The following HDAC8 variants were observed in gnomAD, a reference collection of about 807,000 sequenced individuals.
The protein encoded by HDAC8 is histone deacetylase 8, also known as histone deacetylase-like 1.
In HDAC8, 1 loss-of-function variant was observed where a neutral mutation model predicts 32.2. That is an observed-to-expected ratio of 0.03 (90% CI 0.01 to 0.15). HDAC8 has a LOEUF of 0.15. Among genes scored for constraint, HDAC8 ranks in the 10% least tolerant of loss-of-function variants. The pLI, the probability that HDAC8 is intolerant of heterozygous loss-of-function variation, is 1.00. For missense variants in HDAC8, 117 were observed against 300.0 expected, an observed-to-expected ratio of 0.39 and a Z score of 4.51; for synonymous variants, 108 against 113.9, an observed-to-expected ratio of 0.95 and a Z score of 0.33.
chrX:72,541,657 T>C (rs1262235386), intron 4 of HDAC8, among the ~76,000 whole-genome samples: 1 of 112,131 alleles, frequency 8.9e-6, no homozygotes, highest in African/African-American at 3.2e-5. Context: ...ACTAGAGTTA[T>C]AGTGCTAGAG....
chrX:72,439,807 C>A (rs1369636750), intron 9 of HDAC8, among the ~76,000 whole-genome samples: 2 of 111,226 alleles, frequency 1.8e-5, no homozygotes, highest in Non-Finnish European at 3.8e-5. Context: ...AATACAGGAG[C>A]ACCCAGATTC....
At chrX:72,447,110 A>G (rs1432980609) in intron 9 of HDAC8, among the ~76,000 whole-genome samples, 1 of 112,409 alleles carries the variant, frequency 8.9e-6, no homozygotes, top group Admixed American at 9.4e-5. Context: ...TCATCCTGAT[A>G]CCAAAACCTG....
intron 9 of HDAC8, among the ~76,000 whole-genome samples, chrX:72,370,413 T>C (rs1420887811): frequency 3.6e-5 from 4 of 111,967 alleles, no homozygotes; most frequent in African/African-American, 1.3e-4. Flanking sequence ...CAGGCTGGAA[T>C]GCAGTGGCAC....
intron 9 of HDAC8, among the ~76,000 whole-genome samples, chrX:72,432,404 C>T (rs1034109626): frequency 2.7e-5 from 3 of 111,007 alleles, no homozygotes; most frequent in Non-Finnish European, 5.7e-5. Context: ...GGTCTGGTCC[C>T]GGCCCATTCC....
At chrX:72,412,161 T>C (rs1478684464) in intron 9 of HDAC8, among the ~76,000 whole-genome samples, 1 of 111,899 alleles carries the variant, frequency 8.9e-6, no homozygotes, top group Non-Finnish European at 1.9e-5. Flanking sequence ...GTTTCTTCTG[T>C]TCTTAAATAC....
intron 4 of HDAC8, among the ~76,000 whole-genome samples, chrX:72,564,031 G>A (rs907225288): frequency 2.7e-5 from 3 of 110,961 alleles, no homozygotes; most frequent in Non-Finnish European, 5.7e-5. Flanking sequence ...ATGGTGGCAC[G>A]CGCCTGTAAT....
chrX:72,398,492 A>AT (rs1244311407), intron 9 of HDAC8, among the ~76,000 whole-genome samples: 7 of 104,463 alleles, frequency 6.7e-5, no homozygotes, highest in Admixed American at 6.1e-4. Context: ...TGTCCTGATA[A>AT]TTTTTTTTTT....
chrX:72,469,410 G>A (rs2048107704), intron 7 of HDAC8, among the ~76,000 whole-genome samples: 2 of 112,108 alleles, frequency 1.8e-5, no homozygotes, highest in African/African-American at 3.2e-5. Context: ...CTCCCACCTT[G>A]GCCTCCCAAA....
chrX:72,503,819 T>C (rs1317860389), intron 4 of HDAC8, among the ~76,000 whole-genome samples: 2 of 111,988 alleles, frequency 1.8e-5, no homozygotes, highest in Non-Finnish European at 3.8e-5. Context: ...AGGCTGACTT[T>C]ATGGAGCCAA....
chrX:72,382,997 G>A (rs983460390), intron 9 of HDAC8, among the ~76,000 whole-genome samples: 5 of 111,901 alleles, frequency 4.5e-5, no homozygotes, highest in Non-Finnish European at 9.4e-5. Flanking sequence ...TTGCTATTTC[G>A]TATTCTACTT....
chrX:72,367,778 C>T (rs1247261908), intron 9 of HDAC8, among the ~76,000 whole-genome samples: 1 of 112,591 alleles, frequency 8.9e-6, no homozygotes, highest in Non-Finnish European at 1.9e-5. Flanking sequence ...GCGGCAAATG[C>T]CTAGCCCATG....
intron 7 of HDAC8, among the ~76,000 whole-genome samples, chrX:72,477,593 T>G (rs1334433882): frequency 1.8e-5 from 2 of 112,368 alleles, no homozygotes; most frequent in Non-Finnish European, 3.8e-5. Flanking sequence ...CTTTCCCAGA[T>G]GATTGGAAAT....
Position 72,466,908 on chromosome X carries a change from T to A in HDAC8, c.738-2177A>T, listed in dbSNP as rs142450833. 6.3e-5 allele frequency: 7 copies of A among 111,687 alleles called. No homozygotes were observed. In the East Asian group the frequency reaches 1.9e-3, roughly 31 times the overall value. 9.2% of individuals were successfully genotyped at this position (111,687 alleles called of 1,213,427 possible). A position where few individuals can be genotyped will look rare whatever the true frequency, so the allele number is the denominator to read the frequency against. Reference sequence around the variant, plus strand: ...TAAAAAGGAGCAAACTATTGATACATGCAAAAAATCTGGGTGGCTCTCAAG... The same window carrying A: ...TAAAAAGGAGCAAACTATTGATACAAGCAAAAAATCTGGGTGGCTCTCAAG... On this transcript the variant is annotated intron_variant, in intron 7 of 10. Coordinates refer to ENST00000373573, the MANE Select transcript of HDAC8 (RefSeq NM_018486.3).
At chrX:72,422,862 T>G (rs2046531545) in intron 9 of HDAC8, among the ~76,000 whole-genome samples, 1 of 111,130 alleles carries the variant, frequency 9.0e-6, no homozygotes, top group Admixed American at 9.5e-5. Flanking sequence ...ACACAATAAT[T>G]TTTGAATAAG....
At chrX:72,366,126 T>C (rs782730393) in intron 9 of HDAC8, among the ~76,000 whole-genome samples, 1 of 112,314 alleles carries the variant, frequency 8.9e-6, no homozygotes, top group East Asian at 2.8e-4. Context: ...AGCAAAATCC[T>C]AGTCAGCCTC....
intron 9 of HDAC8, among the ~76,000 whole-genome samples, chrX:72,453,950 A>G (rs2047656145): frequency 8.9e-6 from 1 of 112,232 alleles, no homozygotes; most frequent in Admixed American, 9.4e-5. Flanking sequence ...TAGTGAAAAT[A>G]TCTTTCCAGA....
chrX:72,463,616 ATTTC>A (rs2047928406), intron 8 of HDAC8, among the ~76,000 whole-genome samples: 1 of 111,732 alleles, frequency 8.9e-6, no homozygotes, highest in Admixed American at 9.5e-5. Flanking sequence ...AAGTTAATAT[ATTTC>A]TTGCCAGCTT....
intron 4 of HDAC8, among the ~76,000 whole-genome samples, chrX:72,547,404 C>G (rs782229146): frequency 4.1e-4 from 44 of 107,433 alleles, no homozygotes; most frequent in Non-Finnish European, 7.3e-4. Context: ...TCTTGGGGTT[C>G]TAGGCTCTAC....
chrX:72,511,752 A>T (rs2049595444), intron 4 of HDAC8, among the ~76,000 whole-genome samples: 1 of 112,208 alleles, frequency 8.9e-6, no homozygotes, highest in African/African-American at 3.2e-5. Context: ...GACACACAAC[A>T]AAAACACATG....
Sources: gnomAD v4.1 joint callset for allele counts (sites outside exome capture counted in the v4.1 genomes callset) on GRCh38, gnomAD v4.1.1 for gene constraint, MANE v1.5 for transcripts, NCBI Gene and HGNC (gene_info 2026-07-23, HGNC 2026-07-21) for gene names.